The following CCN6 variants were observed in gnomAD, a reference collection of about 807,000 sequenced individuals.
CCN6 encodes cellular communication network factor 6, also known as CCN family member 6.
Under a neutral mutation model 37.4 loss-of-function variants are expected in CCN6, and 31 were observed. The ratio of observed to expected loss-of-function variants is 0.83; its 90% CI spans 0.62 to 1.12. The LOEUF is 1.12. Among genes scored for constraint, CCN6 ranks in the 50% most tolerant of loss-of-function variants. The probability of loss-of-function intolerance (pLI) is 0.00; values close to 1 mark genes in which losing one functional copy is unlikely to be tolerated. For synonymous variants in CCN6, 137 were observed against 142.1 expected, an observed-to-expected ratio of 0.96 and a Z score of 0.26; for missense variants, 369 against 413.8, an observed-to-expected ratio of 0.89 and a Z score of 0.94.
intron 1 of CCN6, among the ~76,000 whole-genome samples, chr6:112,057,889 G>C (rs901969887): frequency 6.6e-6 from 1 of 152,122 alleles, no homozygotes; most frequent in African/African-American, 2.4e-5. Context: ...GGGGAGGACT[G>C]GGGGGACCAG....
chr6:112,058,990 A>G (rs1776429717), intron 1 of CCN6, among the ~76,000 whole-genome samples: 1 of 152,224 alleles, frequency 6.6e-6, no homozygotes, highest in Non-Finnish European at 1.5e-5. Context: ...TACCATAGCA[A>G]CTAATAAGTT....
chr6:112,054,970 A>G (rs587673536), intron 1 of CCN6: 3 of 161,752 alleles, frequency 1.9e-5, no homozygotes, highest in Admixed American at 5.7e-5. Context: ...GCTTGGAAAT[A>G]TTTCAAGCAA....
chr6:112,066,481 C>T (rs1173357898), intron 3 of CCN6, among the ~76,000 whole-genome samples: 1 of 152,098 alleles, frequency 6.6e-6, no homozygotes, highest in Non-Finnish European at 1.5e-5. Context: ...TTGGGAGAGG[C>T]ATCAGATAGT....
At chr6:112,058,981 A>G (rs1296007297) in intron 1 of CCN6, among the ~76,000 whole-genome samples, 1 of 152,202 alleles carries the variant, frequency 6.6e-6, no homozygotes, top group Non-Finnish European at 1.5e-5. Context: ...GTGCATATGT[A>G]CCATAGCAAC....
chr6:112,053,089 G>C (rs1435588536), upstream of CCN6, among the ~76,000 whole-genome samples: 3 of 152,100 alleles, frequency 2.0e-5, no homozygotes, highest in Non-Finnish European at 4.4e-5. Flanking sequence ...CTTGGGATGG[G>C]GGCAGGCAGG....
chr6:112,054,352 A>G lies in CCN6; in HGVS notation c.-6A>G. On this transcript the variant is annotated 5_prime_UTR_variant, in exon 1 of 5. Transcript: ENST00000368666. ...CCCCTCAGGGTGGCTCCACGGTCCC[A>G]GCGACATGCAGGGGCTCCTCTTCTC... 6.2e-7 allele frequency: 1 copy of G among 1,613,922 alleles called. No homozygotes were observed. Among genetic ancestry groups the G allele is most frequent in the East Asian group, 2.2e-5 (1 of 44,820 alleles).
At chr6:112,057,105 T>G (rs1291913145) in intron 1 of CCN6, among the ~76,000 whole-genome samples, 1 of 152,070 alleles carries the variant, frequency 6.6e-6, no homozygotes, top group African/African-American at 2.4e-5. Context: ...GTTTTGGGAG[T>G]GTGCATTTCA....
At chr6:112,057,620 A>G (rs587668113) in intron 1 of CCN6, among the ~76,000 whole-genome samples, 1 of 152,244 alleles carries the variant, frequency 6.6e-6, no homozygotes, top group Admixed American at 6.5e-5. Context: ...TTCCTGGAGG[A>G]CATTTGGGTG....
chr6:112,065,118 T>TG, intron 3 of CCN6, 121 bp downstream of exon 3: 1 of 1,463,078 alleles, frequency 6.8e-7, no homozygotes, highest in Non-Finnish European at 9.5e-7. Context: ...AGATATAGTT[T>TG]GAGTGTATCA....
rs1776635244 is a variant in CCN6, at chr6:112,064,947, G to A, written c.539G>A (p.Ser180Asn). The A allele has an allele frequency of 6.2e-7, 1 of 1,613,930 alleles. No homozygotes were observed. The highest frequency in any genetic ancestry group is 8.5e-7 in the Non-Finnish European group (1 of 1,179,942). The stretch of plus-strand genomic sequence containing the variant: ...AAGAAGTCTGATCAGTCAAACTGTA[G>A]CCTGGAACCATTACTACAGCAGCTT... ...GGKKSDQSNC[S>N]LEPLLQQLST... is the part of the protein sequence containing the mutation. Residue 180 changes from serine (S) to asparagine (N), a missense_variant, in exon 3 of 5, where the codon AGC (serine) becomes AAC (asparagine). Transcript: ENST00000368666.
upstream of CCN6, among the ~76,000 whole-genome samples, chr6:112,053,224 C>T (rs587614715): frequency 6.6e-5 from 10 of 152,028 alleles, no homozygotes; most frequent in South Asian, 2.1e-4. Flanking sequence ...GGAGGAGATG[C>T]GCTGGTGGTC....
intron 4 of CCN6, among the ~76,000 whole-genome samples, 182 bp downstream of exon 4, chr6:112,068,580 T>C (rs587775300): frequency 5.3e-5 from 8 of 152,128 alleles, no homozygotes; most frequent in African/African-American, 1.9e-4. Context: ...GTGGGGAAAA[T>C]TTTACCAACC....
In CCN6 at chr6:112,055,415, A is replaced by G. The variant is rs117119127; in HGVS notation, c.48+1010A>G. On this transcript the variant is annotated intron_variant, in intron 1 of 4. Transcript: ENST00000368666. The stretch of plus-strand genomic sequence containing the variant: ...GGTATTCCAACACAGAGAGATGTGT[A>G]CAAAATAAACAACAACAAACACAGA... Among the ~76,000 whole-genome samples the G allele has an allele frequency of 3.1e-3, 467 of 152,334 alleles. 22 individuals carry two copies. In the East Asian group the frequency reaches 0.076, roughly 25 times the overall value.
At chr6:112,060,107 G>A (rs1554312497) in intron 1 of CCN6, 1 of 1,356,920 alleles carries the variant, frequency 7.4e-7, no homozygotes, top group Admixed American at 2.0e-5. Context: ...GTGGCAGTGG[G>A]CAAAGTAATA....
chr6:112,062,352 C>G (rs587632296), intron 2 of CCN6, among the ~76,000 whole-genome samples: 2 of 152,314 alleles, frequency 1.3e-5, no homozygotes, highest in East Asian at 3.9e-4. Context: ...AAGTGGCATT[C>G]AGGACACCCA....
At chr6:112,059,851 G>A (rs1554312416) in intron 1 of CCN6, among the ~76,000 whole-genome samples, 2 of 152,202 alleles carry the variant, frequency 1.3e-5, no homozygotes, top group African/African-American at 4.8e-5. Context: ...CATTCTTGGT[G>A]CAGGTATCAG....
chr6:112,064,781 A>C lies in CCN6; in HGVS notation c.373A>C (p.Asn125His). The change falls in exon 3 of 5, where the codon AAC (asparagine) becomes CAC (histidine). Residue 125 changes from asparagine (N) to histidine (H), a missense_variant. By Grantham distance (68) the Asn-to-His change is moderately conservative (BLOSUM62 1). Coordinates refer to ENST00000368666, the MANE Select transcript of CCN6 (RefSeq NM_198239.2). ...AYLVAVGCEFNQVHYHNGQVF... is the reference protein window; with the variant it reads ...AYLVAVGCEFHQVHYHNGQVF... ...CCTTGTAGCTGTTGGGTGCGAGTTC[A>C]ACCAGGTACATTATCATAATGGCCA... The C allele has an allele frequency of 6.2e-7, 1 of 1,614,022 alleles. No homozygotes were observed. Among genetic ancestry groups the C allele is most frequent in the Non-Finnish European group, 8.5e-7 (1 of 1,179,936 alleles).
intron 1 of CCN6, chr6:112,059,917 A>G: frequency 7.7e-7 from 1 of 1,307,092 alleles, no homozygotes; most frequent in Non-Finnish European, 1.0e-6. Context: ...TCTACGGTGA[A>G]AGGACTGGGA....
At chr6:112,061,342 T>C in intron 2 of CCN6, 54 bp downstream of exon 2, 2 of 1,613,192 alleles carry the variant, frequency 1.2e-6, no homozygotes, top group South Asian at 2.2e-5. Flanking sequence ...ACAGAATTTT[T>C]TTTTCCTGCA....
Sources: allele counts gnomAD v4.1 joint callset (sites outside exome capture counted in the v4.1 genomes callset), GRCh38; gene constraint gnomAD v4.1.1; transcripts MANE v1.5; gene names NCBI Gene and HGNC (gene_info 2026-07-23, HGNC 2026-07-21).